The following FHIT variants were observed in gnomAD, a reference collection of about 807,000 sequenced individuals.
FHIT encodes fragile histidine triad diadenosine triphosphatase, also known as bis(5'-adenosyl)-triphosphatase.
In FHIT, 19 loss-of-function variants were observed where a neutral mutation model predicts 17.9. That is an observed-to-expected ratio of 1.06 (90% CI 0.74 to 1.56). The LOEUF (loss-of-function observed/expected upper bound fraction) is 1.56, where lower values mean the gene tolerates loss of function less well. Among genes scored for constraint, FHIT ranks in the 40% most tolerant of loss-of-function variants. FHIT has a pLI of 0.00. For synonymous variants in FHIT, 81 were observed against 69.7 expected, an observed-to-expected ratio of 1.16 and a Z score of -0.81; for missense variants, 248 against 189.2, an observed-to-expected ratio of 1.31 and a Z score of -1.82.
rs952489216 is a variant in FHIT at position 60,151,384 on chromosome 3, C to T, written c.104-137232G>A. Among the ~76,000 whole-genome samples, 5 of 152,320 alleles carry T rather than the reference C, an allele frequency of 3.3e-5. No homozygotes were observed. The East Asian group carries it at 9.7e-4, about 29-fold the overall frequency. On this transcript the variant is annotated intron_variant, in intron 5 of 9. Transcript: ENST00000492590. ...CACCATTATCATCAAGTTGAAACCACCATCACCTGTTTTCTGAGTTACTTC... is the reference window on the plus strand; with the variant it reads ...CACCATTATCATCAAGTTGAAACCATCATCACCTGTTTTCTGAGTTACTTC...
At chr3:60,052,419 A>T (rs78311493) in intron 5 of FHIT, among the ~76,000 whole-genome samples, 2 of 152,242 alleles carry the variant, frequency 1.3e-5, no homozygotes, top group African/African-American at 4.8e-5. Flanking sequence ...CTTCTTGGTA[A>T]CTCATTCTGA....
At chr3:60,526,908 G>A (rs2035596634) in intron 5 of FHIT, among the ~76,000 whole-genome samples, 1 of 151,590 alleles carries the variant, frequency 6.6e-6, no homozygotes, top group South Asian at 2.1e-4. Context: ...GAAGAGGGAA[G>A]AAGAAAGCAT....
chr3:60,569,755 A>ATATATATATATATTTTTTTT, intron 4 of FHIT, among the ~76,000 whole-genome samples: 8 of 77,338 alleles, frequency 1.0e-4, no homozygotes, highest in South Asian at 5.7e-4. Flanking sequence ...ATATATATAT[A>ATATATATATATATTTTTTTT]TTTTTTTTTT....
chr3:60,402,389 C>T (rs890647891), intron 5 of FHIT, among the ~76,000 whole-genome samples: 1 of 152,168 alleles, frequency 6.6e-6, no homozygotes, highest in Non-Finnish European at 1.5e-5. Flanking sequence ...CACTAATTTT[C>T]CCAACTTTTT....
intron 3 of FHIT, among the ~76,000 whole-genome samples, chr3:60,987,698 G>T (rs944214686): frequency 2.0e-5 from 3 of 152,152 alleles, no homozygotes; most frequent in African/African-American, 7.2e-5. Flanking sequence ...GACCAAGCTG[G>T]TCTTGGCAAG....
chr3:61,175,533 A>G (rs2038131969), intron 2 of FHIT, among the ~76,000 whole-genome samples: 1 of 152,104 alleles, frequency 6.6e-6, no homozygotes, highest in Non-Finnish European at 1.5e-5. Flanking sequence ...AATTTAATTA[A>G]TTAATAATTA....
At chr3:60,902,373 C>G (rs1553763391) in intron 3 of FHIT, among the ~76,000 whole-genome samples, 1 of 152,136 alleles carries the variant, frequency 6.6e-6, no homozygotes, top group African/African-American at 2.4e-5. Context: ...TATGGATATA[C>G]CACAGTTTAT....
At chr3:60,204,227 G>A (rs1012851051) in intron 5 of FHIT, among the ~76,000 whole-genome samples, 1 of 151,942 alleles carries the variant, frequency 6.6e-6, no homozygotes, top group Non-Finnish European at 1.5e-5. Flanking sequence ...CCGTGAAAAT[G>A]AGAAATTAAA....
chr3:59,964,618 T>A (rs1707836856), intron 7 of FHIT, among the ~76,000 whole-genome samples: 1 of 152,006 alleles, frequency 6.6e-6, no homozygotes, highest in Non-Finnish European at 1.5e-5. Context: ...CCCCACAACA[T>A]CACAATAGAC....
chr3:60,049,144 T>A (rs865963641), intron 5 of FHIT, among the ~76,000 whole-genome samples: 1 of 152,208 alleles, frequency 6.6e-6, no homozygotes, highest in East Asian at 1.9e-4. Context: ...ATAGCTGTGT[T>A]TTTATGAAAA....
At chr3:60,277,500 T>C (rs1707208251) in intron 5 of FHIT, among the ~76,000 whole-genome samples, 2 of 152,162 alleles carry the variant, frequency 1.3e-5, no homozygotes, top group Non-Finnish European at 2.9e-5. Context: ...CCCTTTTCTT[T>C]GCCAGCCACA....
At chr3:60,117,575 C>T (rs188876966) in intron 5 of FHIT, among the ~76,000 whole-genome samples, 1 of 148,522 alleles carries the variant, frequency 6.7e-6, no homozygotes, top group Non-Finnish European at 1.5e-5. Flanking sequence ...AATTTAGGAG[C>T]TTGCTATGGT....
At chr3:60,641,079 C>A (rs1216234625) in intron 4 of FHIT, among the ~76,000 whole-genome samples, 1 of 152,060 alleles carries the variant, frequency 6.6e-6, no homozygotes, top group Non-Finnish European at 1.5e-5. Flanking sequence ...ACTTGGGAGG[C>A]TGAGGCAGGA....
At chr3:59,826,808 G>A (rs570556359) in intron 8 of FHIT, among the ~76,000 whole-genome samples, 20 of 152,296 alleles carry the variant, frequency 1.3e-4, no homozygotes, top group African/African-American at 4.3e-4. Context: ...TCCTCATATG[G>A]CTCCAGTAAG....
chr3:60,952,233 C>T (rs6783304), intron 3 of FHIT, among the ~76,000 whole-genome samples: 147,780 of 150,884 alleles, frequency 0.98, 72,444 homozygotes, highest in South Asian at 1. Context: ...CCGAATCAGT[C>T]GATCAATCCA....
intron 4 of FHIT, among the ~76,000 whole-genome samples, chr3:60,655,973 C>T (rs1369359128): frequency 6.6e-6 from 1 of 152,150 alleles, no homozygotes; most frequent in East Asian, 1.9e-4. Flanking sequence ...TTTAGAACAG[C>T]CTGGGTAAAC....
intron 1 of FHIT, among the ~76,000 whole-genome samples, chr3:61,215,542 T>A (rs2039645839): frequency 6.6e-6 from 1 of 152,110 alleles, no homozygotes; most frequent in African/African-American, 2.4e-5. Context: ...GTAGGAAGAA[T>A]CAATATCATG....
At chr3:60,582,633 A>C (rs17063570) in intron 4 of FHIT, among the ~76,000 whole-genome samples, 1,880 of 152,154 alleles carry the variant, frequency 0.012, 41 homozygotes, top group African/African-American at 0.044. Context: ...GATAAAAAAA[A>C]ATGTGTATTC....
intron 2 of FHIT, among the ~76,000 whole-genome samples, chr3:61,091,035 C>T (rs1486869378): frequency 1.3e-5 from 2 of 152,202 alleles, no homozygotes; most frequent in African/African-American, 4.8e-5. Context: ...AAAACAGAAA[C>T]TCCATTTAAC....
Sources: gnomAD v4.1 joint callset for allele counts (sites outside exome capture counted in the v4.1 genomes callset) on GRCh38, gnomAD v4.1.1 for gene constraint, MANE v1.5 for transcripts, NCBI Gene and HGNC (gene_info 2026-07-23, HGNC 2026-07-21) for gene names.